Variants in TMEM244 observed in about 807,000 individuals in gnomAD.
TMEM244 encodes the protein transmembrane protein 244, also known as putative transmembrane protein 244.
TMEM244 carries 13 observed loss-of-function variants against 15.8 expected under a neutral mutation model. That is an observed-to-expected ratio of 0.82 (90% CI 0.53 to 1.30). The LOEUF (loss-of-function observed/expected upper bound fraction) is 1.30, where lower values mean the gene tolerates loss of function less well. Among genes scored for constraint, TMEM244 ranks in the 50% most tolerant of loss-of-function variants. The pLI is 0.00. For missense variants in TMEM244, 161 were observed against 144.9 expected (o/e 1.11, Z -0.57); for synonymous variants, 45 against 48.7 (o/e 0.92, Z 0.32).
At chr6:129,857,659 C>A (rs1776732890) in intron 1 of TMEM244, among the ~76,000 whole-genome samples, 1 of 152,082 alleles carries the variant, frequency 6.6e-6, no homozygotes. Context: ...TGCACCCAAC[C>A]CTAACATATG....
intron 1 of TMEM244, among the ~76,000 whole-genome samples, chr6:129,858,601 G>C (rs1229597609): frequency 6.6e-6 from 1 of 152,034 alleles, no homozygotes; most frequent in African/African-American, 2.4e-5. Flanking sequence ...TTGTATTGTA[G>C]CATACCTACT....
intron 1 of TMEM244, among the ~76,000 whole-genome samples, chr6:129,858,625 A>T (rs1776752768): frequency 6.6e-6 from 1 of 152,154 alleles, no homozygotes. Context: ...GGAGGTATAC[A>T]TTTCTTTCTC....
chr6:129,858,480 T>C (rs1330475768), intron 1 of TMEM244, among the ~76,000 whole-genome samples: 1 of 152,220 alleles, frequency 6.6e-6, no homozygotes, highest in East Asian at 1.9e-4. Flanking sequence ...TCTCTAGGTC[T>C]GGCTCATATA....
At chr6:129,851,556 C>T (rs1310856249) in intron 1 of TMEM244, among the ~76,000 whole-genome samples, 1 of 152,198 alleles carries the variant, frequency 6.6e-6, no homozygotes. Context: ...AGTCATGAGT[C>T]ACTGCGCCTG....
At chr6:129,846,144 G>A (rs1776557754) in intron 1 of TMEM244, among the ~76,000 whole-genome samples, 1 of 152,062 alleles carries the variant, frequency 6.6e-6, no homozygotes, top group Non-Finnish European at 1.5e-5. Context: ...GATATTTCTA[G>A]ATGATTGCTT....
chr6:129,857,356 A>ATATAAAT (rs1776728118), intron 1 of TMEM244, among the ~76,000 whole-genome samples: 1 of 151,770 alleles, frequency 6.6e-6, no homozygotes, highest in African/African-American at 2.4e-5. Flanking sequence ...ATATATACAT[A>ATATAAAT]TATAAATTAT....
rs146899363 is a variant in TMEM244, at chr6:129,840,192, A to G, written c.193+3338T>C. ...TGACTTCAAACTATGCTACACAGCT[A>G]CAGTAACCAAAACAGCATGGTACTG... On this transcript the variant is annotated intron_variant, in intron 3 of 4. Transcript: ENST00000368143. Among the ~76,000 whole-genome samples the G allele has an allele frequency of 2.0e-5, 3 of 152,334 alleles. No individual in the cohort carries two copies. The East Asian group carries it at 5.8e-4, about 29-fold the overall frequency.
intron 1 of TMEM244, among the ~76,000 whole-genome samples, chr6:129,859,482 C>A (rs1776769797): frequency 6.6e-6 from 1 of 152,236 alleles, no homozygotes; most frequent in African/African-American, 2.4e-5. Flanking sequence ...TTCAGGTGAA[C>A]AACTCTGAGG....
At chr6:129,832,624 CTGAG>C (rs1419440932) in intron 4 of TMEM244, among the ~76,000 whole-genome samples, 4 of 152,080 alleles carry the variant, frequency 2.6e-5, no homozygotes, top group Non-Finnish European at 4.4e-5. Flanking sequence ...TATTCATTTA[CTGAG>C]TAATTATTAT....
intron 3 of TMEM244, among the ~76,000 whole-genome samples, chr6:129,836,086 C>T (rs551372942): frequency 2.0e-4 from 31 of 152,280 alleles, no homozygotes; most frequent in South Asian, 8.3e-4. Flanking sequence ...ATTCGAGCTC[C>T]GAGAACAGAC....
chr6:129,849,853 A>G (rs1776611625), intron 1 of TMEM244, among the ~76,000 whole-genome samples: 1 of 152,138 alleles, frequency 6.6e-6, no homozygotes, highest in Non-Finnish European at 1.5e-5. Flanking sequence ...AGACGCCAGC[A>G]GAGAATGGGT....
At position 129,849,864 on chromosome 6, in the gene TMEM244, G is replaced by A. The variant is rs376244251; in HGVS notation, c.34-4012C>T. On this transcript the variant is annotated intron_variant, in intron 1 of 4. Coordinates refer to ENST00000368143, the MANE Select transcript of TMEM244 (RefSeq NM_001010876.2). ...AGCGAGACGCCAGCAGAGAATGGGT[G>A]GGTTATGTGTGTGTGTATGTGTGCC... 1.2e-4 allele frequency among the ~76,000 whole-genome samples: 19 copies of A among 152,154 alleles called. No homozygotes were observed. The East Asian group carries it at 3.3e-3, about 26-fold the overall frequency.
At chr6:129,843,461 T>C in intron 3 of TMEM244, 69 bp downstream of exon 3, 7 of 1,113,012 alleles carry the variant, frequency 6.3e-6, no homozygotes, top group Non-Finnish European at 9.1e-6. Context: ...AATTTTTTTA[T>C]TAAAAAATTT....
At chr6:129,835,985 C>T (rs1776400013) in intron 3 of TMEM244, among the ~76,000 whole-genome samples, 1 of 152,178 alleles carries the variant, frequency 6.6e-6, no homozygotes, top group Non-Finnish European at 1.5e-5. Flanking sequence ...TGGGGTAGGG[C>T]ATAGTAGAAC....
At position 129,833,635 on chromosome 6, in the gene TMEM244, T is replaced by C. The variant is rs756318384; in HGVS notation, c.194-50A>G. 2.6e-6 allele frequency: 4 copies of C among 1,559,050 alleles called. No individual in the cohort carries two copies. In the African/African-American group the frequency reaches 5.5e-5, roughly 22 times the overall value. On this transcript the variant is annotated intron_variant, in intron 3 of 4. Transcript: ENST00000368143. ...TTATTGAGGACTAGAGCAATGAACA[T>C]TCTGAAATACAACTAGTAACAAGAC...
chr6:129,842,337 G>A (rs1039960835), intron 3 of TMEM244, among the ~76,000 whole-genome samples: 13 of 152,166 alleles, frequency 8.5e-5, no homozygotes, highest in African/African-American at 3.1e-4. Flanking sequence ...GTGCCTGAAA[G>A]AAAGTTAAGA....
chr6:129,843,358 A>G (rs1776516781), intron 3 of TMEM244, among the ~76,000 whole-genome samples, 172 bp downstream of exon 3: 1 of 152,148 alleles, frequency 6.6e-6, no homozygotes, highest in African/African-American at 2.4e-5. Context: ...TGCATGGAAT[A>G]ACAACTTTAA....
intron 3 of TMEM244, among the ~76,000 whole-genome samples, chr6:129,840,885 T>C (rs568219116): frequency 6.6e-6 from 1 of 152,254 alleles, no homozygotes; most frequent in South Asian, 2.1e-4. Context: ...TACCATCTCA[T>C]GCCAGTTAGA....
At chr6:129,834,102 A>G (rs1399411845) in intron 3 of TMEM244, among the ~76,000 whole-genome samples, 3 of 152,248 alleles carry the variant, frequency 2.0e-5, no homozygotes, top group Non-Finnish European at 4.4e-5. Flanking sequence ...GGGAAACATA[A>G]CTGATAACCA....
Sources: allele counts gnomAD v4.1 joint callset (sites outside exome capture counted in the v4.1 genomes callset), GRCh38; gene constraint gnomAD v4.1.1; transcripts MANE v1.5; gene names NCBI Gene and HGNC (gene_info 2026-07-23, HGNC 2026-07-21).